The following DAAM1 variants were observed in gnomAD, a reference collection of about 807,000 sequenced individuals.
The protein encoded by DAAM1 is disheveled-associated activator of morphogenesis 1.
DAAM1 carries 52 observed loss-of-function variants against 130.0 expected under a neutral mutation model. That is an observed-to-expected ratio of 0.40 (90% CI 0.32 to 0.50). The LOEUF is 0.50. Among genes scored for constraint, DAAM1 ranks in the 20% least tolerant of loss-of-function variants. The probability of loss-of-function intolerance (pLI) is 0.61; values close to 1 mark genes in which losing one functional copy is unlikely to be tolerated. For synonymous variants in DAAM1, 452 were observed against 444.5 expected (o/e 1.02, Z -0.21); for missense variants, 1,134 against 1,303.8 (o/e 0.87, Z 2.01).
At chr14:59,244,389 A>G (rs746429478) in intron 1 of DAAM1, among the ~76,000 whole-genome samples, 50 of 152,284 alleles carry the variant, frequency 3.3e-4, no homozygotes, top group Admixed American at 1.4e-3. Flanking sequence ...CCTCTACAAC[A>G]TACACTCACT....
chr14:59,234,068 G>C (rs1465309104), intron 1 of DAAM1, among the ~76,000 whole-genome samples: 1 of 152,178 alleles, frequency 6.6e-6, no homozygotes, highest in Non-Finnish European at 1.5e-5. Context: ...GTAGCATGAT[G>C]CCTCCAGCTT....
At chr14:59,348,393 GC>G (rs945403752) in intron 17 of DAAM1, among the ~76,000 whole-genome samples, 1 of 152,254 alleles carries the variant, frequency 6.6e-6, no homozygotes, top group African/African-American at 2.4e-5. Flanking sequence ...TGTTGATCTC[GC>G]ACATATTCTA....
intron 3 of DAAM1, among the ~76,000 whole-genome samples, chr14:59,314,310 G>T (rs975672089): frequency 6.6e-5 from 10 of 152,240 alleles, no homozygotes; most frequent in Admixed American, 5.9e-4. Flanking sequence ...GTCCTCAGGT[G>T]GTCTTTGAAT....
At chr14:59,247,339 C>T (rs1881434161) in intron 1 of DAAM1, among the ~76,000 whole-genome samples, 1 of 152,104 alleles carries the variant, frequency 6.6e-6, no homozygotes, top group South Asian at 2.1e-4. Context: ...CAGCTTTGTT[C>T]TTCTTTTTCA....
chr14:59,253,170 C>T (rs1881722795), intron 1 of DAAM1, among the ~76,000 whole-genome samples: 1 of 152,130 alleles, frequency 6.6e-6, no homozygotes, highest in Admixed American at 6.5e-5. Context: ...ATATGTACAA[C>T]TTTATTTTTA....
chr14:59,349,881 G>T (rs1229261173), intron 17 of DAAM1, among the ~76,000 whole-genome samples: 1 of 152,108 alleles, frequency 6.6e-6, no homozygotes, highest in Non-Finnish European at 1.5e-5. Context: ...GTGTTATTCT[G>T]AACAGGGGAC....
intron 3 of DAAM1, among the ~76,000 whole-genome samples, chr14:59,313,382 C>T (rs1884665739): frequency 6.6e-6 from 1 of 152,254 alleles, no homozygotes; most frequent in African/African-American, 2.4e-5. Flanking sequence ...ATGAAGCCTT[C>T]TTCCCCTTAT....
intron 16 of DAAM1, among the ~76,000 whole-genome samples, chr14:59,343,716 A>G (rs1284901918): frequency 6.6e-6 from 1 of 152,230 alleles, no homozygotes; most frequent in Non-Finnish European, 1.5e-5. Flanking sequence ...CTTTCTCTGG[A>G]GCCAAGCAGG....
intron 16 of DAAM1, among the ~76,000 whole-genome samples, chr14:59,347,136 TCTTTA>T: frequency 6.6e-6 from 1 of 152,340 alleles, no homozygotes; most frequent in South Asian, 2.1e-4. Flanking sequence ...CAAAATCCAT[TCTTTA>T]CTTGATAGCA....
At chr14:59,354,358 C>G (rs1886398408) in intron 19 of DAAM1, among the ~76,000 whole-genome samples, 1 of 152,166 alleles carries the variant, frequency 6.6e-6, no homozygotes, top group Non-Finnish European at 1.5e-5. Flanking sequence ...CTGCGCCTGG[C>G]CTGGTGATTT....
intron 3 of DAAM1, among the ~76,000 whole-genome samples, chr14:59,297,947 G>A (rs1295150845): frequency 6.6e-6 from 1 of 152,158 alleles, no homozygotes; most frequent in East Asian, 1.9e-4. Context: ...TTTGTAATTA[G>A]TATAATCAAA....
rs61755340 is a variant in DAAM1, at chr14:59,355,218, C to T, written c.2410C>T (p.Leu804=). Residue 804 remains leucine, a synonymous_variant, in exon 20 of 25, where the codon CTG becomes TTG. Transcript: ENST00000360909. ...VFRSGALKQL[L]EVVLAFGNYM... is the part of the protein sequence containing the mutation. ...TAGGAGTGGTGCCCTCAAGCAGTTGCTGGAGGTGGTTTTGGCATTTGGAAA... is the reference window on the plus strand; with the variant it reads ...TAGGAGTGGTGCCCTCAAGCAGTTGTTGGAGGTGGTTTTGGCATTTGGAAA... 1.4e-3 allele frequency: 2,255 copies of T among 1,614,066 alleles called. 18 individuals carry two copies. In the African/African-American group the frequency reaches 0.024, roughly 17 times the overall value.
intron 1 of DAAM1, among the ~76,000 whole-genome samples, chr14:59,251,696 C>T (rs1594780824): frequency 6.6e-6 from 1 of 152,176 alleles, no homozygotes; most frequent in East Asian, 1.9e-4. Context: ...AGGCGACTGT[C>T]CTCTCTACTG....
chr14:59,273,120 T>C (rs1882801419), intron 2 of DAAM1, among the ~76,000 whole-genome samples: 1 of 152,238 alleles, frequency 6.6e-6, no homozygotes, highest in Non-Finnish European at 1.5e-5. Context: ...GACAGTAAGA[T>C]GGTCAAAATG....
Position 59,331,848 on chromosome 14 carries a change from T to G in DAAM1, c.1896T>G (p.Asp632Glu), listed in dbSNP as rs751801563. ...KLEGTVWTEI[D>E]DTKVFKILDL... ...AAGGAACAGTATGGACCGAAATTGA[T>G]GATACAAAAGTCTTCAAAATTCTAG... Residue 632 changes from aspartate (D) to glutamate (E), a missense_variant, in exon 15 of 25, where the codon GAT becomes GAG. Asp to Glu is a conservative substitution (Grantham distance 45). This residue lies in a region of DAAM1 where 644 missense variants were observed against 695.9 expected (regional missense o/e 0.93). Coordinates refer to ENST00000360909, the MANE Select transcript of DAAM1 (RefSeq NM_001270520.2). The G allele has an allele frequency of 9.9e-6, 16 of 1,614,030 alleles. No homozygotes were observed. The highest frequency in any genetic ancestry group is 8.5e-7 in the Non-Finnish European group (1 of 1,180,008).
intron 15 of DAAM1, among the ~76,000 whole-genome samples, chr14:59,337,411 G>T (rs1885669613): frequency 6.6e-6 from 1 of 152,202 alleles, no homozygotes; most frequent in African/African-American, 2.4e-5. Flanking sequence ...GAGGAATTGT[G>T]TGAAACAGCT....
At chr14:59,229,376 A>T (rs979437909) in intron 1 of DAAM1, among the ~76,000 whole-genome samples, 1 of 152,190 alleles carries the variant, frequency 6.6e-6, no homozygotes, top group African/African-American at 2.4e-5. Context: ...ACCCTAAATG[A>T]TGTAGCATTG....
chr14:59,246,279 T>C (rs1384627571), intron 1 of DAAM1, among the ~76,000 whole-genome samples: 2 of 152,208 alleles, frequency 1.3e-5, no homozygotes, highest in East Asian at 1.9e-4. Flanking sequence ...TTGAGTACTT[T>C]AGATACCTCA....
intron 1 of DAAM1, among the ~76,000 whole-genome samples, chr14:59,218,306 C>T (rs756294656): frequency 2.6e-5 from 4 of 152,078 alleles, no homozygotes; most frequent in Non-Finnish European, 5.9e-5. Flanking sequence ...TTTTTCTGCC[C>T]CAGAGGGTCC....
Sources: gnomAD v4.1 joint callset for allele counts (sites outside exome capture counted in the v4.1 genomes callset) on GRCh38, gnomAD v4.1.1 for gene constraint, gnomAD v4.1.1 regional missense constraint, MANE v1.5 for transcripts, NCBI Gene and HGNC (gene_info 2026-07-23, HGNC 2026-07-21) for gene names.